The following EPB41L2 variants were observed in gnomAD, a reference collection of about 807,000 sequenced individuals.
EPB41L2 encodes erythrocyte membrane protein band 4.1 like 2.
EPB41L2 carries 43 observed loss-of-function variants against 113.0 expected under a neutral mutation model. That is an observed-to-expected ratio of 0.38 (90% CI 0.30 to 0.49). The LOEUF is 0.49. Ranked by LOEUF, EPB41L2 falls within the 20% of genes least tolerant of loss-of-function variation. EPB41L2 has a pLI of 0.95. For synonymous variants in EPB41L2, 442 were observed against 436.7 expected (o/e 1.01, Z -0.15); for missense variants, 1,147 against 1,223.4 (o/e 0.94, Z 0.93).
At chr6:130,981,170 T>G (rs1396517055) in intron 1 of EPB41L2, among the ~76,000 whole-genome samples, 1 of 152,222 alleles carries the variant, frequency 6.6e-6, no homozygotes, top group Non-Finnish European at 1.5e-5. Context: ...ATTGGTGTTT[T>G]AAACTCTTCT....
chr6:130,847,129 C>T (rs915658862), intron 19 of EPB41L2, among the ~76,000 whole-genome samples: 1 of 152,200 alleles, frequency 6.6e-6, no homozygotes, highest in Admixed American at 6.5e-5. Flanking sequence ...CTATACATAA[C>T]CACGATGGAG....
intron 3 of EPB41L2, among the ~76,000 whole-genome samples, chr6:130,948,220 TG>T (rs1442377902): frequency 6.6e-6 from 1 of 152,188 alleles, no homozygotes; most frequent in African/African-American, 2.4e-5. Flanking sequence ...ATTTAAATCT[TG>T]GTGAATTAGA....
Position 130,915,228 on chromosome 6 carries a change from G to A in EPB41L2, c.811-6365C>T, listed in dbSNP as rs927370377. On this transcript the variant is annotated intron_variant, in intron 4 of 19. Coordinates refer to ENST00000337057, the MANE Select transcript of EPB41L2 (RefSeq NM_001431.4). ...TGAGGCAGGAGAATGGCGTGAACCC[G>A]GGAGGCGGAGCTTGCAGTGAGCCGA... is the stretch of plus-strand genomic sequence containing the variant. Among the ~76,000 whole-genome samples the A allele has an allele frequency of 1.2e-4, 18 of 151,912 alleles. No individual in the cohort carries two copies. The East Asian group carries it at 2.9e-3, about 25-fold the overall frequency.
intron 1 of EPB41L2, among the ~76,000 whole-genome samples, chr6:130,962,961 G>A (rs1773985406): frequency 6.6e-6 from 1 of 152,164 alleles, no homozygotes; most frequent in Non-Finnish European, 1.5e-5. Context: ...CAGAGGAAGA[G>A]GAGGCCCCTT....
intron 3 of EPB41L2, among the ~76,000 whole-genome samples, chr6:130,926,913 C>G (rs1022628293): frequency 6.6e-5 from 10 of 152,102 alleles, no homozygotes; most frequent in African/African-American, 2.4e-4. Flanking sequence ...AAATCTGAAA[C>G]AAAAGCATAA....
Position 130,956,286 on chromosome 6 carries a change from T to C in EPB41L2, c.200A>G (p.Glu67Gly). 4 of 1,614,206 alleles carry C rather than the reference T, an allele frequency of 2.5e-6. No homozygotes were observed. In the Middle Eastern group the frequency reaches 4.9e-4, roughly 200 times the overall value. The change falls in exon 2 of 20, where the codon GAA becomes GGA. Residue 67 changes from glutamate (E) to glycine (G), a missense_variant. Glu to Gly is a moderately conservative substitution (Grantham distance 98). Transcript: ENST00000337057. The stretch of plus-strand genomic sequence containing the variant: ...AGAAATACCCCTGCTCTCCGATGTT[T>C]CCTTCTCTCTCTTCTGGCGGCGTAG... ...SSLRRQKREK[E>G]TSESRGISRF...
intron 1 of EPB41L2, among the ~76,000 whole-genome samples, chr6:131,032,865 G>C (rs1222676286): frequency 1.3e-5 from 2 of 152,108 alleles, no homozygotes; most frequent in Admixed American, 1.3e-4. Context: ...AAAAATTTAA[G>C]GCTGGGCACG....
Position 130,955,143 on chromosome 6 carries a change from TCA to T in EPB41L2, c.665_666del (p.Val222AspfsTer11). ...TKKTKTVQCK[V>X]TLLDGTEYSC... ...CTGTATTCGGTGCCATCTAAGAGGG[TCA>T]CTTTACACTGGACAGTTTTGGTCTT... is the stretch of plus-strand genomic sequence containing the variant. On this transcript the variant is annotated frameshift_variant, in exon 3 of 20. Transcript: ENST00000337057. LOFTEE classifies it high-confidence loss of function. 4 of 1,614,114 alleles carry T rather than the reference TCA, an allele frequency of 2.5e-6. No individual in the cohort carries two copies. The highest frequency in any genetic ancestry group is 3.4e-6 in the Non-Finnish European group (4 of 1,180,018).
intron 19 of EPB41L2, among the ~76,000 whole-genome samples, chr6:130,846,189 A>C (rs1180793159): frequency 6.6e-6 from 1 of 152,030 alleles, no homozygotes; most frequent in African/African-American, 2.4e-5. Flanking sequence ...GCAGCGAATG[A>C]CCCTTTTACT....
In EPB41L2 at chr6:131,063,206, G is replaced by C. The variant is rs1398320964; in HGVS notation, c.-66C>G. 6.5e-6 allele frequency: 1 copy of C among 152,734 alleles called. No individual in the cohort carries two copies. The highest frequency in any genetic ancestry group is 1.5e-5 in the Non-Finnish European group (1 of 68,564). 9.5% of individuals were successfully genotyped at this position (152,734 alleles called of 1,614,324 possible). ...CGTCCCTCTTCAGTCCCAGCCGCCGGCAGCCGCGCCTGCCTCCTCCCTCCG... is the reference window on the plus strand; with the variant it reads ...CGTCCCTCTTCAGTCCCAGCCGCCGCCAGCCGCGCCTGCCTCCTCCCTCCG... On this transcript the variant is annotated 5_prime_UTR_variant, in exon 1 of 20. Transcript: ENST00000337057.
intron 8 of EPB41L2, among the ~76,000 whole-genome samples, chr6:130,896,699 A>G (rs1794773839): frequency 6.6e-6 from 1 of 152,248 alleles, no homozygotes; most frequent in Admixed American, 6.5e-5. Flanking sequence ...AAGGGTAGGA[A>G]GTGAAAGAGG....
intron 1 of EPB41L2, among the ~76,000 whole-genome samples, chr6:131,042,024 T>A (rs1794552237): frequency 6.6e-6 from 1 of 152,216 alleles, no homozygotes; most frequent in South Asian, 2.1e-4. Context: ...AACTGTGCTT[T>A]AAGACAATCC....
intron 19 of EPB41L2, among the ~76,000 whole-genome samples, chr6:130,847,173 C>T (rs1045527083): frequency 7.2e-5 from 11 of 152,292 alleles, no homozygotes; most frequent in African/African-American, 2.2e-4. Flanking sequence ...CCATTGTTTT[C>T]CCATGTGCTC....
intron 5 of EPB41L2, among the ~76,000 whole-genome samples, chr6:130,904,916 C>CTT (rs772079906): frequency 2.2e-5 from 2 of 92,938 alleles, no homozygotes; most frequent in African/African-American, 8.5e-5. Context: ...ATTCTCCACC[C>CTT]TTTTTTTTTT....
intron 19 of EPB41L2, among the ~76,000 whole-genome samples, chr6:130,842,102 C>T (rs1186942180): frequency 6.6e-6 from 1 of 152,152 alleles, no homozygotes; most frequent in East Asian, 1.9e-4. Flanking sequence ...AGAATGTACA[C>T]TCTTTTGGTT....
At chr6:130,915,396 T>C (rs1288279670) in intron 4 of EPB41L2, among the ~76,000 whole-genome samples, 1 of 152,258 alleles carries the variant, frequency 6.6e-6, no homozygotes, top group Non-Finnish European at 1.5e-5. Context: ...TCCATCTTTA[T>C]TTTTACTAAC....
intron 15 of EPB41L2, chr6:130,867,814 GAA>G: frequency 2.1e-6 from 1 of 471,534 alleles, no homozygotes; most frequent in Non-Finnish European, 3.9e-6. Context: ...ACATATATAT[GAA>G]TGTGTGTATG....
intron 13 of EPB41L2, among the ~76,000 whole-genome samples, chr6:130,879,331 T>C (rs1311718594): frequency 2.0e-5 from 3 of 152,208 alleles, no homozygotes; most frequent in South Asian, 2.1e-4. Context: ...ATTTCTTGCA[T>C]TGGTTCAAAG....
chr6:131,056,459 A>C (rs1053875566), intron 1 of EPB41L2, among the ~76,000 whole-genome samples: 1 of 152,228 alleles, frequency 6.6e-6, no homozygotes, highest in Admixed American at 6.5e-5. Flanking sequence ...GAGTTTCTAA[A>C]AGCTCAAACA....
Sources: gnomAD v4.1 joint callset for allele counts (sites outside exome capture counted in the v4.1 genomes callset) on GRCh38, gnomAD v4.1.1 for gene constraint, MANE v1.5 for transcripts, NCBI Gene and HGNC (gene_info 2026-07-23, HGNC 2026-07-21) for gene names.